Variants in FHDC1 observed in about 807,000 individuals in gnomAD.
FHDC1 encodes the protein FH2 domain-containing protein 1.
Under a neutral mutation model 52.6 loss-of-function variants are expected in FHDC1, and 25 were observed. The observed-to-expected ratio is 0.48, with a 90% confidence interval of 0.35 to 0.66. The LOEUF (loss-of-function observed/expected upper bound fraction) is 0.66. FHDC1 is among the 30% of genes least tolerant of loss of function. The pLI, the probability that FHDC1 is intolerant of heterozygous loss-of-function variation, is 0.01. For missense variants in FHDC1, 1,459 were observed against 1,452.8 expected, an observed-to-expected ratio of 1.00 and a Z score of -0.07; for synonymous variants, 616 against 581.5, an observed-to-expected ratio of 1.06 and a Z score of -0.85.
At chr4:152,916,013 T>C in the FHDC1 span, among the ~76,000 whole-genome samples, 5 of 152,160 alleles carry the variant, frequency 3.3e-5, no homozygotes, top group Non-Finnish European at 7.4e-5. Context: ...TAAATTCCAG[T>C]GTACAGAAGA....
In FHDC1 at chr4:152,963,769, G is replaced by T. The variant is rs866029778; in HGVS notation, c.1029+639G>T. ...GGAGTCTGATCCTATCCATTGCTTT[G>T]TTTTTTTTTTTTTTTTTTTTTTTTT... is the stretch of plus-strand genomic sequence containing the variant. On this transcript the variant is annotated intron_variant, in intron 8 of 11. Transcript: ENST00000511601. Among the ~76,000 whole-genome samples the T allele has an allele frequency of 8.5e-3, 441 of 51,650 alleles. 1 individual carries two copies. Among genetic ancestry groups the T allele is most frequent in the African/African-American group, 0.017 (269 of 15,426 alleles). The allele number at this position is 51,650 out of a possible 152,430, so 33.9% of individuals were successfully genotyped here.
chr4:152,976,668 G>T lies in FHDC1; in HGVS notation c.3377G>T (p.Arg1126Leu). 1 of 1,566,208 alleles carries T rather than the reference G, an allele frequency of 6.4e-7. No individual in the cohort carries two copies. Among genetic ancestry groups the T allele is most frequent in the African/African-American group, 1.4e-5 (1 of 73,492 alleles). Residue 1126 changes from arginine (R) to leucine (L), a missense_variant, in exon 12 of 12, where the codon CGG becomes CTG. Transcript: ENST00000511601. ...GCTGGGGAAAGGGCCTCCCTCCGTC[G>T]GAAGGACTCCAGTCGGACCACGCTG... The part of the protein sequence containing the change: ...RGAGERASLR[R>L]KDSSRTTLGR...
chr4:152,937,954 C>G (rs1328114132), intron 1 of FHDC1, among the ~76,000 whole-genome samples: 1 of 152,114 alleles, frequency 6.6e-6, no homozygotes, highest in East Asian at 1.9e-4. Flanking sequence ...AGCTGTCTAA[C>G]GCAGAGAGCT....
chr4:152,959,680 C>T (rs1740214788), intron 4 of FHDC1, among the ~76,000 whole-genome samples: 1 of 152,104 alleles, frequency 6.6e-6, no homozygotes, highest in African/African-American at 2.4e-5. Flanking sequence ...AGATTACAGG[C>T]ATGAGTCACT....
chr4:152,975,316 G>A lies in FHDC1; in HGVS notation c.2025G>A (p.Leu675=). Residue 675 remains leucine (L), a synonymous_variant, in exon 12 of 12, where the codon CTG becomes CTA. Transcript: ENST00000511601. ...CTCTGGGAATTAAGGAGCATGAGCT[G>A]GTGACAGGGCTGGCCCAGTTCAACC... ...PLALGIKEHE[L]VTGLAQFNLQ... The A allele has an allele frequency of 6.2e-7, 1 of 1,613,674 alleles. No individual in the cohort carries two copies. Among genetic ancestry groups the A allele is most frequent in the Non-Finnish European group, 8.5e-7 (1 of 1,180,042 alleles).
At chr4:152,949,675 G>A (rs1739862593) in intron 2 of FHDC1, among the ~76,000 whole-genome samples, 1 of 152,176 alleles carries the variant, frequency 6.6e-6, no homozygotes. Context: ...AAGAGTGATG[G>A]TGTAGCCACA....
chr4:152,974,766 T>G lies in FHDC1; in HGVS notation c.1475T>G (p.Leu492Arg). ...QKQRSWATGELGAFGRSSSEN... is the reference protein window; with the variant it reads ...QKQRSWATGERGAFGRSSSEN... ...CAGCGCTCCTGGGCAACTGGGGAGCTGGGGGCATTTGGCCGGAGCAGCAGT... is the reference window on the plus strand; with the variant it reads ...CAGCGCTCCTGGGCAACTGGGGAGCGGGGGGCATTTGGCCGGAGCAGCAGT... The change falls in exon 12 of 12, where the codon CTG becomes CGG. Residue 492 changes from leucine to arginine, a missense_variant. Leu to Arg is a moderately radical substitution (Grantham distance 102). This residue lies in a region of FHDC1 where 513 missense variants were observed against 581.5 expected (regional missense o/e 0.88). Coordinates refer to ENST00000511601, the MANE Select transcript of FHDC1 (RefSeq NM_001371116.1). 1 of 1,533,672 alleles carries G rather than the reference T, an allele frequency of 6.5e-7. No homozygotes were observed. Among genetic ancestry groups the G allele is most frequent in the Non-Finnish European group, 8.8e-7 (1 of 1,138,374 alleles).
intron 4 of FHDC1, among the ~76,000 whole-genome samples, chr4:152,958,763 GCA>G (rs1401919143): frequency 6.6e-6 from 1 of 152,160 alleles, no homozygotes; most frequent in Non-Finnish European, 1.5e-5. Context: ...AGGTTTCTCA[GCA>G]CAGAAGCCAG....
rs1740262918 is a variant in FHDC1, at chr4:152,960,957, T to C, written c.850+113T>C. ...AAAGTCCTGAATTTCTGATATACCCTTAAAAGGGAAATGAGATGTTACTAG... is the reference window on the plus strand; with the variant it reads ...AAAGTCCTGAATTTCTGATATACCCCTAAAAGGGAAATGAGATGTTACTAG... On this transcript the variant is annotated intron_variant, in intron 6 of 11. Coordinates refer to ENST00000511601, the MANE Select transcript of FHDC1 (RefSeq NM_001371116.1). The C allele has an allele frequency of 4.1e-5, 28 of 675,940 alleles. No individual in the cohort carries two copies. The South Asian group carries it at 6.7e-4, about 16-fold the overall frequency. The allele number at this position is 675,940 out of a possible 1,614,324, so 41.9% of individuals were successfully genotyped here.
Position 152,976,082 on chromosome 4 carries a change from C to T in FHDC1, c.2791C>T (p.Pro931Ser), listed in dbSNP as rs774567068. Reference protein sequence around the residue: ...ELSSRGPSQNPPSSTDTVWSR... With the variant: ...ELSSRGPSQNSPSSTDTVWSR... ...GTCATCCCGGGGGCCCTCCCAGAAT[C>T]CCCCCAGCAGCACAGATACTGTGTG... Residue 931 changes from proline (P) to serine (S), a missense_variant, in exon 12 of 12, where the codon CCC (proline) becomes TCC (serine). By Grantham distance (74) the Pro-to-Ser change is moderately conservative (BLOSUM62 -1). Around this residue, in one of 3 missense-constraint regions of FHDC1, gnomAD observed 939 missense variants for 854.5 expected, o/e 1.10. Coordinates refer to ENST00000511601, the MANE Select transcript of FHDC1 (RefSeq NM_001371116.1). 1.2e-6 allele frequency: 2 copies of T among 1,604,154 alleles called. No individual in the cohort carries two copies. The highest frequency in any genetic ancestry group is 1.7e-4 in the Middle Eastern group (1 of 6,000).
At chr4:152,941,949 C>G (rs1469223272) in intron 1 of FHDC1, among the ~76,000 whole-genome samples, 1 of 152,144 alleles carries the variant, frequency 6.6e-6, no homozygotes, top group Non-Finnish European at 1.5e-5. Context: ...CTTACCTGTT[C>G]TCGTATCTGA....
intron 3 of FHDC1, 59 bp from the exon 4 acceptor site, chr4:152,954,158 G>A (rs978903329): frequency 8.4e-6 from 12 of 1,420,286 alleles, no homozygotes; most frequent in Non-Finnish European, 1.2e-5. Flanking sequence ...CCACTGGCTT[G>A]CACCTCTGTT....
chr4:152,947,933 CT>C (rs1361898371), intron 2 of FHDC1, among the ~76,000 whole-genome samples: 1 of 152,064 alleles, frequency 6.6e-6, no homozygotes, highest in African/African-American at 2.4e-5. Flanking sequence ...TCATTCTCAC[CT>C]TTTGTTATGA....
the FHDC1 span, among the ~76,000 whole-genome samples, chr4:152,913,863 T>TA: frequency 2.0e-5 from 3 of 152,060 alleles, no homozygotes; most frequent in African/African-American, 7.2e-5. Context: ...TATTTTTAGT[T>TA]AGAGACAGAG....
intron 4 of FHDC1, 129 bp downstream of exon 4, chr4:152,954,448 A>G: frequency 1.6e-6 from 1 of 632,400 alleles, no homozygotes; most frequent in Non-Finnish European, 2.7e-6. Flanking sequence ...GCACTTTGGG[A>G]GGCAGAGGCA....
chr4:152,945,973 G>A (rs1236509149), intron 2 of FHDC1, among the ~76,000 whole-genome samples: 1 of 152,176 alleles, frequency 6.6e-6, no homozygotes, highest in Non-Finnish European at 1.5e-5. Context: ...TCCTGTAGAT[G>A]GAATCATATC....
At chr4:152,947,334 A>G (rs1353486261) in intron 2 of FHDC1, among the ~76,000 whole-genome samples, 7 of 152,194 alleles carry the variant, frequency 4.6e-5, no homozygotes, top group Non-Finnish European at 1.0e-4. Flanking sequence ...ATGGTATAAT[A>G]ATAATTAAAC....
At chr4:152,944,286 C>T (rs973005732) in intron 2 of FHDC1, among the ~76,000 whole-genome samples, 1 of 152,146 alleles carries the variant, frequency 6.6e-6, no homozygotes, top group Non-Finnish European at 1.5e-5. Flanking sequence ...TCAAAAATTA[C>T]ATTTATAAGT....
At chr4:152,931,984 G>A (rs1256543968), upstream of FHDC1, among the ~76,000 whole-genome samples, 6 of 136,302 alleles carry the variant, frequency 4.4e-5, no homozygotes, top group Non-Finnish European at 6.3e-5. Flanking sequence ...TCACTACTTA[G>A]CATTCAGAAA....
Sources: gnomAD v4.1 joint callset for allele counts (sites outside exome capture counted in the v4.1 genomes callset) on GRCh38, gnomAD v4.1.1 for gene constraint, gnomAD v4.1.1 regional missense constraint, MANE v1.5 for transcripts, NCBI Gene and HGNC (gene_info 2026-07-23, HGNC 2026-07-21) for gene names.